Variants in LRRK2 observed in about 807,000 individuals in gnomAD.
LRRK2 encodes the protein leucine rich repeat kinase 2, also known as leucine-rich repeat serine/threonine-protein kinase 2.
A neutral mutation model predicts 302.6 loss-of-function variants in LRRK2; 203 were observed. The ratio of observed to expected loss-of-function variants is 0.67; its 90% CI spans 0.60 to 0.75. The LOEUF is 0.75. Ranked by LOEUF, LRRK2 falls within the 30% of genes least tolerant of loss-of-function variation. LRRK2 has a pLI of 0.00. For missense variants in LRRK2, 2,830 were observed against 2,951.0 expected (o/e 0.96, Z 0.95); for synonymous variants, 1,066 against 1,031.9 (o/e 1.03, Z -0.63).
chr12:40,322,380 T>C lies in LRRK2; in HGVS notation c.5379T>C (p.Pro1793=), dbSNP rs200278957. The C allele has an allele frequency of 3.7e-6, 6 of 1,613,740 alleles. No homozygotes were observed. The highest frequency in any genetic ancestry group is 5.1e-6 in the Non-Finnish European group (6 of 1,179,696). ...HIDSLMEEWF[P]GLLEIDICGE... The stretch of plus-strand genomic sequence containing the variant: ...ATTCTCTCATGGAAGAATGGTTTCC[T>C]GGGTTGCTGGAGATTGATATTTGTG... Residue 1793 remains proline, a synonymous_variant, in exon 37 of 51, where the codon CCT becomes CCC. Transcript: ENST00000298910.
intron 11 of LRRK2, among the ~76,000 whole-genome samples, chr12:40,253,498 A>T (rs1235435695): frequency 6.6e-6 from 1 of 152,082 alleles, no homozygotes; most frequent in South Asian, 2.1e-4. Flanking sequence ...TGATGCTCCC[A>T]CCTCAGCTTC....
chr12:40,285,065 G>A (rs904506113), intron 19 of LRRK2, among the ~76,000 whole-genome samples: 1 of 151,882 alleles, frequency 6.6e-6, no homozygotes, highest in Admixed American at 6.6e-5. Context: ...AATTTTCCTC[G>A]GTTTCTCAAA....
chr12:40,298,361 C>A lies in LRRK2; in HGVS notation c.3215C>A (p.Pro1072His). The change falls in exon 24 of 51, where the codon CCC (proline) becomes CAC (histidine). Residue 1072 changes from proline (P) to histidine (H), a missense_variant. By Grantham distance (77) the Pro-to-His change is moderately conservative. Around this residue, in one of 3 missense-constraint regions of LRRK2, gnomAD observed 2,121 missense variants for 2,148.0 expected, o/e 0.99. Coordinates refer to ENST00000298910, the MANE Select transcript of LRRK2 (RefSeq NM_198578.4). Reference sequence around the variant, plus strand: ...GATGTCTCTCGAAATGACATTGGACCCTCAGTGGTTTTAGATCCTACAGTG... The same window carrying A: ...GATGTCTCTCGAAATGACATTGGACACTCAGTGGTTTTAGATCCTACAGTG... ...NLDVSRNDIG[P>H]SVVLDPTVKC... 6 of 1,613,740 alleles carry A rather than the reference C, an allele frequency of 3.7e-6. No individual in the cohort carries two copies. Among genetic ancestry groups the A allele is most frequent in the Non-Finnish European group, 5.1e-6 (6 of 1,179,922 alleles).
In LRRK2 at chr12:40,227,851, A is replaced by G. The variant is rs144139456; in HGVS notation, c.237+2211A>G. 122 of 152,318 alleles carry G rather than the reference A, an allele frequency of 8.0e-4. 4 individuals carry two copies. The East Asian group carries it at 0.022, about 28-fold the overall frequency. 9.4% of individuals were successfully genotyped at this position (152,318 alleles called of 1,614,324 possible). ...GCTAGGACTATAAGCATGTGCCACC[A>G]TGCTCAGCTAATTTTTTTTTCTTTT... On this transcript the variant is annotated intron_variant, in intron 2 of 50. Transcript: ENST00000298910.
Position 40,323,203 on chromosome 12 carries a change from A to C in LRRK2, c.5553A>C (p.Pro1851=). ...CAGATCAACCAAGGCTCACCATTCC[A>C]ATATCTCAGATTGCCCCTGACTTGA... ...VNPDQPRLTI[P]ISQIAPDLIL... Residue 1851 remains proline, a synonymous_variant, in exon 38 of 51, where the codon CCA becomes CCC. Transcript: ENST00000298910. 2 of 1,613,306 alleles carry C rather than the reference A, an allele frequency of 1.2e-6. No individual in the cohort carries two copies. The highest frequency in any genetic ancestry group is 1.7e-6 in the Non-Finnish European group (2 of 1,179,438).
chr12:40,269,414 G>A (rs1036523855), intron 14 of LRRK2, among the ~76,000 whole-genome samples: 5 of 152,042 alleles, frequency 3.3e-5, no homozygotes, highest in Non-Finnish European at 7.4e-5. Context: ...GACATCTTGC[G>A]GAATACTGTC....
intron 35 of LRRK2, 41 bp downstream of exon 35, chr12:40,321,229 T>C (rs1355745435): frequency 6.4e-7 from 1 of 1,566,828 alleles, no homozygotes; most frequent in Non-Finnish European, 8.7e-7. Context: ...TTAGAGACTA[T>C]TAATTTAGAC....
intron 37 of LRRK2, among the ~76,000 whole-genome samples, chr12:40,322,893 TA>T (rs1945445252): frequency 6.6e-6 from 1 of 152,094 alleles, no homozygotes; most frequent in Non-Finnish European, 1.5e-5. Context: ...AGAGAGTAGA[TA>T]ACTTTCTAGT....
At chr12:40,310,863 C>G (rs1463868519) in intron 31 of LRRK2, among the ~76,000 whole-genome samples, 1 of 151,956 alleles carries the variant, frequency 6.6e-6, no homozygotes, top group Non-Finnish European at 1.5e-5. Context: ...TTAGAGGAAC[C>G]TGAGAGAAAC....
chr12:40,257,222 ATAAG>A lies in LRRK2; in HGVS notation c.1289-22_1289-19del, dbSNP rs750541357. 5.5e-6 allele frequency: 8 copies of A among 1,459,812 alleles called. No homozygotes were observed. The African/African-American group carries it at 9.8e-5, about 18-fold the overall frequency. 90.4% of individuals were successfully genotyped at this position (1,459,812 alleles called of 1,614,324 possible). On this transcript the variant is annotated intron_variant, in intron 11 of 50. Transcript: ENST00000298910. Reference sequence around the variant, plus strand: ...ATTATGAAAATATGCTTTCATATCTATAAGTAACATTTTAAAAAATCTCAGTTAA... The same window carrying A: ...ATTATGAAAATATGCTTTCATATCTATAACATTTTAAAAAATCTCAGTTAA...
At chr12:40,314,401 A>G (rs1945142123) in intron 32 of LRRK2, among the ~76,000 whole-genome samples, 1 of 152,090 alleles carries the variant, frequency 6.6e-6, no homozygotes, top group Non-Finnish European at 1.5e-5. Flanking sequence ...AAAGCAGTGG[A>G]AAGAGTCCCT....
chr12:40,270,983 T>A (rs1237323321), intron 14 of LRRK2, among the ~76,000 whole-genome samples: 2 of 152,116 alleles, frequency 1.3e-5, no homozygotes, highest in Non-Finnish European at 2.9e-5. Context: ...TCTCACTATG[T>A]TGCCCAGGCT....
intron 11 of LRRK2, among the ~76,000 whole-genome samples, chr12:40,255,143 A>T (rs1942444613): frequency 6.6e-6 from 1 of 152,156 alleles, no homozygotes; most frequent in Non-Finnish European, 1.5e-5. Context: ...TGCATTCATT[A>T]AGTAAAAATC....
At chr12:40,273,473 A>C (rs952420104) in intron 14 of LRRK2, among the ~76,000 whole-genome samples, 14 of 152,210 alleles carry the variant, frequency 9.2e-5, no homozygotes, top group Non-Finnish European at 2.1e-4. Context: ...GATACTGAAT[A>C]AAGATAATTG....
chr12:40,229,955 CTTTTTTTTTTTTTTT>C (rs71078229), intron 2 of LRRK2, among the ~76,000 whole-genome samples: 1 of 92,904 alleles, frequency 1.1e-5, no homozygotes, highest in Admixed American at 1.3e-4. Flanking sequence ...TCCTATGTGA[CTTTTTTTTTTTTTTT>C]TTTTTTTTTT....
chr12:40,304,542 G>T (rs1440815278), intron 27 of LRRK2: 3 of 191,726 alleles, frequency 1.6e-5, no homozygotes, highest in African/African-American at 7.1e-5. Context: ...AATTATGTGT[G>T]ATGTTATCAT....
In LRRK2 at chr12:40,367,828, T is replaced by A. The variant is rs199923074; in HGVS notation, c.*63T>A. On this transcript the variant is annotated 3_prime_UTR_variant, in exon 51 of 51. Coordinates refer to ENST00000298910, the MANE Select transcript of LRRK2 (RefSeq NM_198578.4). ...TCTCTCCTCTTGTAAATATTTATTT[T>A]AAAAATGTTCACATGGAAAGGGTAC... 7.9e-6 allele frequency: 12 copies of A among 1,520,246 alleles called. No individual in the cohort carries two copies. Among genetic ancestry groups the A allele is most frequent in the Non-Finnish European group, 7.1e-6 (8 of 1,120,348 alleles). 94.2% of individuals were successfully genotyped at this position (1,520,246 alleles called of 1,614,324 possible). A position where few individuals can be genotyped will look rare whatever the true frequency, so the allele number is the denominator to read the frequency against.
intron 3 of LRRK2, among the ~76,000 whole-genome samples, chr12:40,233,839 T>C (rs903323450): frequency 1.3e-5 from 2 of 152,210 alleles, no homozygotes; most frequent in African/African-American, 4.8e-5. Flanking sequence ...ACTTACTCAT[T>C]CACTCACTTT....
At chr12:40,225,311 T>C (rs200330027) in intron 1 of LRRK2, 29 bp downstream of exon 1, 96 of 1,612,472 alleles carry the variant, frequency 6.0e-5, no homozygotes, top group Non-Finnish European at 7.7e-5. Context: ...ACTGTGCTTT[T>C]ATTTTTGCAA....
Sources: allele counts gnomAD v4.1 joint callset (sites outside exome capture counted in the v4.1 genomes callset), GRCh38; gene constraint gnomAD v4.1.1; regional missense constraint gnomAD v4.1.1; transcripts MANE v1.5; gene names NCBI Gene and HGNC (gene_info 2026-07-23, HGNC 2026-07-21).